The following PCDH10 variants were observed in gnomAD, a reference collection of about 807,000 sequenced individuals.
PCDH10 encodes protocadherin 10.
Under a neutral mutation model 74.4 loss-of-function variants are expected in PCDH10, and 15 were observed. The ratio of observed to expected loss-of-function variants is 0.20; its 90% CI spans 0.13 to 0.31. PCDH10 has a LOEUF of 0.31. Among genes scored for constraint, PCDH10 ranks in the 10% least tolerant of loss-of-function variants. PCDH10 has a pLI of 1.00. For synonymous variants in PCDH10, 619 were observed against 589.8 expected, an observed-to-expected ratio of 1.05 and a Z score of -0.72; for missense variants, 1,260 against 1,390.2, an observed-to-expected ratio of 0.91 and a Z score of 1.49.
Position 133,151,568 on chromosome 4 carries a change from C to A in PCDH10, c.1428C>A (p.Asn476Lys), listed in dbSNP as rs1560702971. 1 of 1,613,970 alleles carries A rather than the reference C, an allele frequency of 6.2e-7. No homozygotes were observed. Among genetic ancestry groups the A allele is most frequent in the African/African-American group, 1.3e-5 (1 of 74,942 alleles). ...PVYDVYVTEN[N>K]VPGAYIYAVS... is the part of the protein sequence containing the mutation. Reference sequence around the variant, plus strand: ...ACGACGTGTATGTGACTGAAAACAACGTGCCTGGCGCCTACATCTACGCGG... The same window carrying A: ...ACGACGTGTATGTGACTGAAAACAAAGTGCCTGGCGCCTACATCTACGCGG... Residue 476 changes from asparagine (N) to lysine (K), a missense_variant, in exon 1 of 5, where the codon AAC (asparagine) becomes AAA (lysine). Asn to Lys is a moderately conservative substitution (Grantham distance 94). Coordinates refer to ENST00000264360, the MANE Select transcript of PCDH10 (RefSeq NM_032961.3).
intron 4 of PCDH10, among the ~76,000 whole-genome samples, chr4:133,189,286 A>G (rs1036001378): frequency 1.3e-5 from 2 of 152,108 alleles, no homozygotes; most frequent in African/African-American, 4.8e-5. Context: ...TTTTTGTTAT[A>G]TGTCTGTTAT....
chr4:133,153,009 C>T, intron 1 of PCDH10: 2 of 1,434,632 alleles, frequency 1.4e-6, no homozygotes, highest in South Asian at 1.6e-5. Flanking sequence ...ACTTTGCCAC[C>T]TTGGAGCTCC....
At chr4:133,170,647 T>C (rs773425838) in intron 4 of PCDH10, among the ~76,000 whole-genome samples, 3 of 152,132 alleles carry the variant, frequency 2.0e-5, no homozygotes, top group Non-Finnish European at 2.9e-5. Flanking sequence ...ATGGTGCTTG[T>C]TGAGAAACAG....
Position 133,193,404 on chromosome 4 carries a change from ATT to A in PCDH10, c.*3245_*3246del, listed in dbSNP as rs1181070231. On this transcript the variant is annotated 3_prime_UTR_variant, in exon 5 of 5. Transcript: ENST00000264360. ...GAATATTTAAATATTTTAATTTCTCATTGTTTTATTTGTTAATTGGATTGTAA... is the reference window on the plus strand; with the variant it reads ...GAATATTTAAATATTTTAATTTCTCAGTTTTATTTGTTAATTGGATTGTAA... 1 of 151,604 alleles carries A rather than the reference ATT, an allele frequency of 6.6e-6. No individual in the cohort carries two copies. Among genetic ancestry groups the A allele is most frequent in the Non-Finnish European group, 1.5e-5 (1 of 67,642 alleles). 9.4% of individuals were successfully genotyped at this position (151,604 alleles called of 1,614,324 possible).
chr4:133,178,903 GT>G (rs76415159), intron 4 of PCDH10, among the ~76,000 whole-genome samples: 28,749 of 151,962 alleles, frequency 0.19, 3,140 homozygotes, highest in Admixed American at 0.31. Flanking sequence ...TTCATTAAAT[GT>G]TATGGAAAAA....
intron 4 of PCDH10, among the ~76,000 whole-genome samples, chr4:133,183,264 G>A (rs1193469182): frequency 1.3e-5 from 2 of 152,066 alleles, no homozygotes; most frequent in Non-Finnish European, 2.9e-5. Context: ...CATAGTTGCA[G>A]TAATCCACTG....
At chr4:133,176,722 C>T (rs1055089711) in intron 4 of PCDH10, among the ~76,000 whole-genome samples, 5 of 152,054 alleles carry the variant, frequency 3.3e-5, no homozygotes, top group African/African-American at 7.2e-5. Flanking sequence ...ATACATAATG[C>T]TCAGCAAAGA....
At chr4:133,206,265 G>A (rs1255652492) in intron 2 of PCDH10, among the ~76,000 whole-genome samples, 3 of 152,130 alleles carry the variant, frequency 2.0e-5, no homozygotes, top group Admixed American at 6.6e-5. Flanking sequence ...TTCTTTGTAT[G>A]ACGATTGCAC....
Position 133,150,093 on chromosome 4 carries a change from A to G in PCDH10, c.-48A>G. 1 of 1,452,876 alleles carries G rather than the reference A, an allele frequency of 6.9e-7. No homozygotes were observed. Among genetic ancestry groups the G allele is most frequent in the East Asian group, 2.4e-5 (1 of 41,216 alleles). The allele number at this position is 1,452,876 out of a possible 1,614,324, so 90.0% of individuals were successfully genotyped here. On this transcript the variant is annotated 5_prime_UTR_variant, in exon 1 of 5. Coordinates refer to ENST00000264360, the MANE Select transcript of PCDH10 (RefSeq NM_032961.3). The stretch of plus-strand genomic sequence containing the variant: ...TTGTTTCGTGGTGGTGGGGGAGGTG[A>G]TTGGGTGGCTGACTGGCTGCGGGAA...
Position 133,150,594 on chromosome 4 carries a change from G to A in PCDH10, c.454G>A (p.Gly152Ser). 2 of 1,613,602 alleles carry A rather than the reference G, an allele frequency of 1.2e-6. No individual in the cohort carries two copies. Among genetic ancestry groups the A allele is most frequent in the Non-Finnish European group, 1.7e-6 (2 of 1,179,968 alleles). Residue 152 changes from glycine (G) to serine (S), a missense_variant, in exon 1 of 5, where the codon GGC (glycine) becomes AGC (serine). Physicochemically the swap from Gly to Ser is moderately conservative, Grantham distance 56 (BLOSUM62 0). Around this residue, in one of 11 missense-constraint regions of PCDH10, gnomAD observed 63 missense variants for 100.7 expected, o/e 0.63. Coordinates refer to ENST00000264360, the MANE Select transcript of PCDH10 (RefSeq NM_032961.3). ...GGAGAGCGCATTCGACCCAGACGTG[G>A]GCACCAACTCCTTGCGCGACTACGA... ...PLESAFDPDV[G>S]TNSLRDYEIT...
At chr4:133,201,055 CA>C (rs1727899062) in intron 2 of PCDH10, among the ~76,000 whole-genome samples, 1 of 152,008 alleles carries the variant, frequency 6.6e-6, no homozygotes, top group African/African-American at 2.4e-5. Context: ...CTCTTAATGA[CA>C]TGTTATATTG....
intron 4 of PCDH10, among the ~76,000 whole-genome samples, chr4:133,177,820 C>G (rs922268663): frequency 6.6e-6 from 1 of 152,162 alleles, no homozygotes; most frequent in Middle Eastern, 3.4e-3. Flanking sequence ...TTAAATTTCT[C>G]ATCGCATTAA....
chr4:133,180,143 A>G lies in PCDH10; in HGVS notation c.3104-9998A>G, dbSNP rs948535860. ...TGTCTTTCACAACTCCTTTAAGCTC[A>G]TGTTTCACCATCACTCCCTGCTAAT... On this transcript the variant is annotated intron_variant, in intron 4 of 4. Coordinates refer to ENST00000264360, the MANE Select transcript of PCDH10 (RefSeq NM_032961.3). Among the ~76,000 whole-genome samples, 11 of 152,068 alleles carry G rather than the reference A, an allele frequency of 7.2e-5. No individual in the cohort carries two copies. In the South Asian group the frequency reaches 1.5e-3, roughly 20 times the overall value.
At chr4:133,170,981 A>T (rs1727190052) in intron 4 of PCDH10, among the ~76,000 whole-genome samples, 4 of 146,144 alleles carry the variant, frequency 2.7e-5, no homozygotes, top group Admixed American at 1.4e-4. Context: ...CAGGTAGTCT[A>T]TTTTTTTTTT....
intron 4 of PCDH10, among the ~76,000 whole-genome samples, chr4:133,185,932 G>A (rs1045004249): frequency 1.3e-4 from 19 of 151,970 alleles, no homozygotes; most frequent in African/African-American, 4.1e-4. Flanking sequence ...TTTTTACCAG[G>A]CAATTACATG....
In PCDH10 at chr4:133,151,396, C is replaced by A. The variant is rs949429837; in HGVS notation, c.1256C>A (p.Ala419Asp). The A allele has an allele frequency of 1.2e-6, 2 of 1,614,066 alleles. No individual in the cohort carries two copies. The part of the protein sequence containing the change: ...FKNYYTIVTE[A>D]PLDREAGDSY... ...AATTACTACACCATCGTTACCGAAG[C>A]CCCCCTGGACCGAGAGGCGGGGGAC... Residue 419 changes from alanine to aspartate, a missense_variant, in exon 1 of 5, where the codon GCC becomes GAC. By Grantham distance (126) the Ala-to-Asp change is moderately radical. This residue lies in a region of PCDH10 where 112 missense variants were observed against 123.6 expected (regional missense o/e 0.91). Coordinates refer to ENST00000264360, the MANE Select transcript of PCDH10 (RefSeq NM_032961.3).
intron 4 of PCDH10, among the ~76,000 whole-genome samples, chr4:133,172,023 A>G (rs1012677222): frequency 2.9e-4 from 44 of 152,072 alleles, no homozygotes; most frequent in African/African-American, 8.9e-4. Flanking sequence ...ATATTTTAAA[A>G]TATTTTTTAA....
At position 133,201,178 on chromosome 4, in the gene PCDH10, C is replaced by T. The variant is rs576149124; in HGVS notation, n.438-6898C>T. On this transcript the variant is annotated intron_variant and non_coding_transcript_variant, in intron 2 of 2. Coordinates refer to the PCDH10 transcript ENST00000511112. The stretch of plus-strand genomic sequence containing the variant: ...ATCTGACTAACCTGATTTTACAAAA[C>T]CATCATCATTTCACCTAATAATTCC... Among the ~76,000 whole-genome samples the T allele has an allele frequency of 8.5e-5, 13 of 152,274 alleles. No individual in the cohort carries two copies. In the South Asian group the frequency reaches 2.7e-3, roughly 32 times the overall value.
intron 4 of PCDH10, chr4:133,164,014 A>G (rs1727028817): frequency 2.2e-6 from 1 of 455,864 alleles, no homozygotes; most frequent in African/African-American, 2.0e-5. Flanking sequence ...TTATATGCTT[A>G]AAGGAATGGT....
Sources: gnomAD v4.1 joint callset for allele counts (sites outside exome capture counted in the v4.1 genomes callset) on GRCh38, gnomAD v4.1.1 for gene constraint, gnomAD v4.1.1 regional missense constraint, MANE v1.5 for transcripts, NCBI Gene and HGNC (gene_info 2026-07-23, HGNC 2026-07-21) for gene names.